CAPN7: variants seen among roughly 807,000 people sequenced by gnomAD.
The protein encoded by CAPN7 is calpain-7.
CAPN7 carries 72 observed loss-of-function variants against 115.2 expected under a neutral mutation model. The observed-to-expected ratio is 0.63, with a 90% CI of 0.52 to 0.76. CAPN7 has a LOEUF of 0.76. CAPN7 is among the 30% of genes least tolerant of loss of function. CAPN7 has a pLI of 0.00. For synonymous variants in CAPN7, 344 were observed against 322.3 expected (o/e 1.07, Z -0.72); for missense variants, 905 against 971.5 (o/e 0.93, Z 0.91).
At chr3:15,223,999 A>G (rs1321858639) in intron 6 of CAPN7, among the ~76,000 whole-genome samples, 1 of 152,224 alleles carries the variant, frequency 6.6e-6, no homozygotes, top group Admixed American at 6.5e-5. Flanking sequence ...GCTTATGTCA[A>G]GAGCTTTAAA....
intron 11 of CAPN7, among the ~76,000 whole-genome samples, chr3:15,234,247 C>G (rs948111975): frequency 1.3e-5 from 2 of 152,134 alleles, no homozygotes; most frequent in African/African-American, 4.8e-5. Context: ...ACGCAGGAGG[C>G]AGAGGTTGTG....
intron 1 of CAPN7, 95 bp downstream of exon 1, chr3:15,206,692 G>A (rs994466560): frequency 3.3e-6 from 3 of 910,670 alleles, no homozygotes; most frequent in Non-Finnish European, 4.9e-6. Flanking sequence ...GGAGGCTAGC[G>A]GCCCCGGCTT....
At chr3:15,208,015 C>G (rs1432007578) in intron 1 of CAPN7, among the ~76,000 whole-genome samples, 1 of 152,132 alleles carries the variant, frequency 6.6e-6, no homozygotes, top group Non-Finnish European at 1.5e-5. Flanking sequence ...TTGTTTACAT[C>G]AGCATCACCA....
At chr3:15,223,454 T>G in intron 5 of CAPN7, 21 bp from the exon 6 acceptor site, 1 of 1,495,784 alleles carries the variant, frequency 6.7e-7, no homozygotes, top group Non-Finnish European at 9.3e-7. Flanking sequence ...AACATTTAGG[T>G]TTTTTTCTCG....
intron 16 of CAPN7, among the ~76,000 whole-genome samples, chr3:15,243,718 A>G (rs990530581): frequency 6.7e-5 from 10 of 149,158 alleles, no homozygotes; most frequent in East Asian, 2.1e-4. Flanking sequence ...AGAAGAAACT[A>G]TTGTGGGAAC....
Position 15,218,567 on chromosome 3 carries a change from C to T in CAPN7, c.437+27C>T, listed in dbSNP as rs191812136. On this transcript the variant is annotated intron_variant, in intron 4 of 20. Coordinates refer to ENST00000253693, the MANE Select transcript of CAPN7 (RefSeq NM_014296.3). The stretch of plus-strand genomic sequence containing the variant: ...TGAGTTTGATCTCTCAAGTTCTAAT[C>T]CATGGATGGCACTTAGTGTTATTTA... The T allele has an allele frequency of 5.3e-4, 804 of 1,506,004 alleles. 7 individuals are homozygous for T. The African/African-American group carries it at 9.6e-3, about 18-fold the overall frequency. The allele number at this position is 1,506,004 out of a possible 1,614,324, so 93.3% of individuals were successfully genotyped here.
At chr3:15,215,698 C>T (rs563704593) in intron 2 of CAPN7, among the ~76,000 whole-genome samples, 1 of 152,280 alleles carries the variant, frequency 6.6e-6, no homozygotes, top group East Asian at 1.9e-4. Flanking sequence ...AGTAATATTT[C>T]ATTGTATTGA....
chr3:15,217,330 G>A (rs2124897812), intron 2 of CAPN7, 95 bp from the exon 3 acceptor site: 1 of 1,086,582 alleles, frequency 9.2e-7, no homozygotes, highest in Non-Finnish European at 1.3e-6. Context: ...AAGAATACAG[G>A]GTTTTGGTAA....
intron 12 of CAPN7, among the ~76,000 whole-genome samples, chr3:15,239,464 C>T (rs1274598453): frequency 2.0e-5 from 3 of 152,114 alleles, no homozygotes; most frequent in Non-Finnish European, 4.4e-5. Flanking sequence ...CATTCTGTTC[C>T]ATAAATGAGT....
At chr3:15,223,383 T>A in intron 5 of CAPN7, 92 bp from the exon 6 acceptor site, 1 of 794,322 alleles carries the variant, frequency 1.3e-6, no homozygotes, top group Non-Finnish European at 2.2e-6. Context: ...TAATACAGTA[T>A]CATACCTTGT....
At chr3:15,228,669 TAAAAG>T (rs1448022036) in intron 7 of CAPN7, among the ~76,000 whole-genome samples, 2 of 152,098 alleles carry the variant, frequency 1.3e-5, no homozygotes, top group African/African-American at 2.4e-5. Context: ...GAGAACAGCT[TAAAAG>T]AAAGGAACAG....
intron 1 of CAPN7, among the ~76,000 whole-genome samples, chr3:15,207,032 G>A (rs1383798466): frequency 1.3e-5 from 2 of 152,200 alleles, no homozygotes; most frequent in Admixed American, 1.3e-4. Flanking sequence ...TTGACATACA[G>A]TCATGCGTCC....
chr3:15,227,342 A>G (rs145184284), intron 6 of CAPN7, among the ~76,000 whole-genome samples: 13 of 152,258 alleles, frequency 8.5e-5, no homozygotes, highest in African/African-American at 2.9e-4. Flanking sequence ...AATTCCTTTA[A>G]TAGAGTTGTT....
At chr3:15,207,878 A>G (rs547816598) in intron 1 of CAPN7, among the ~76,000 whole-genome samples, 2 of 152,350 alleles carry the variant, frequency 1.3e-5, no homozygotes, top group East Asian at 1.9e-4. Context: ...TAAAAGGAGT[A>G]TACTAACAGT....
intron 19 of CAPN7, among the ~76,000 whole-genome samples, chr3:15,248,892 A>ATCCC (rs1695830548): frequency 6.7e-6 from 1 of 150,352 alleles, no homozygotes; most frequent in Non-Finnish European, 1.5e-5. Flanking sequence ...GCCACTTGGG[A>ATCCC]GGCTGAGGTG....
intron 12 of CAPN7, among the ~76,000 whole-genome samples, chr3:15,238,849 A>ATTTTTTTTTTT (rs59838740): frequency 3.2e-4 from 36 of 113,998 alleles, no homozygotes; most frequent in African/African-American, 1.3e-3. Flanking sequence ...GCAAAATCAA[A>ATTTTTTTTTTT]TTTTTTTTTT....
chr3:15,249,025 C>CAAAAAAAAAAAAAAAAAAA (rs59492817), intron 19 of CAPN7, among the ~76,000 whole-genome samples: 2 of 130,760 alleles, frequency 1.5e-5, no homozygotes, highest in Non-Finnish European at 3.1e-5. Context: ...AAAAAAAAAA[C>CAAAAAAAAAAAAAAAAAAA]AAAAACAGAA....
chr3:15,228,667 C>T (rs1308948854), intron 7 of CAPN7, among the ~76,000 whole-genome samples: 1 of 152,058 alleles, frequency 6.6e-6, no homozygotes, highest in African/African-American at 2.4e-5. Flanking sequence ...ATGAGAACAG[C>T]TTAAAAGAAA....
intron 11 of CAPN7, among the ~76,000 whole-genome samples, 182 bp downstream of exon 11, chr3:15,234,155 A>G (rs1211615888): frequency 6.6e-6 from 1 of 152,126 alleles, no homozygotes; most frequent in Non-Finnish European, 1.5e-5. Context: ...CATCTCTACT[A>G]AAAATACAAA....
Sources: allele counts gnomAD v4.1 joint callset (sites outside exome capture counted in the v4.1 genomes callset), GRCh38; gene constraint gnomAD v4.1.1; transcripts MANE v1.5; gene names NCBI Gene and HGNC (gene_info 2026-07-23, HGNC 2026-07-21).